PTPRD: variants seen among roughly 807,000 people sequenced by gnomAD.
PTPRD encodes protein tyrosine phosphatase receptor type D, also known as receptor-type tyrosine-protein phosphatase delta.
Under a neutral mutation model 214.5 loss-of-function variants are expected in PTPRD, and 34 were observed. The ratio of observed to expected loss-of-function variants is 0.16; its 90% CI spans 0.12 to 0.21. The LOEUF (loss-of-function observed/expected upper bound fraction) is 0.21, where lower values mean the gene tolerates loss of function less well. Ranked by LOEUF, PTPRD falls within the 10% of genes least tolerant of loss-of-function variation. PTPRD has a pLI of 1.00. For missense variants in PTPRD, 2,545 were observed against 2,398.7 expected (o/e 1.06, Z -1.27); for synonymous variants, 1,128 against 845.7 (o/e 1.33, Z -5.79).
Position 8,800,871 on chromosome 9 carries a change from G to T in PTPRD, c.-103-66925C>A, listed in dbSNP as rs1050362161. ...CATTCTTTCTCTGAAATGGCCAAAA[G>T]ACATTTCTCAGAAAATAATATTGGT... On this transcript the variant is annotated intron_variant, in intron 11 of 45. Coordinates refer to ENST00000381196, the MANE Select transcript of PTPRD (RefSeq NM_002839.4). 2.6e-5 allele frequency among the ~76,000 whole-genome samples: 4 copies of T among 152,172 alleles called. No homozygotes were observed. In the South Asian group the frequency reaches 6.2e-4, roughly 24 times the overall value.
At chr9:8,879,230 A>C (rs1412779358) in intron 11 of PTPRD, among the ~76,000 whole-genome samples, 2 of 152,136 alleles carry the variant, frequency 1.3e-5, no homozygotes, top group African/African-American at 4.8e-5. Flanking sequence ...TGATCGAGAC[A>C]CTGATGGGAA....
chr9:9,571,509 G>A (rs2086393808), intron 8 of PTPRD, among the ~76,000 whole-genome samples: 1 of 151,106 alleles, frequency 6.6e-6, no homozygotes, highest in Admixed American at 6.6e-5. Flanking sequence ...AATGCTTAAA[G>A]GTTAGCCTAA....
Position 9,421,283 on chromosome 9 carries a change from G to GA in PTPRD, c.-236-23802dup, listed in dbSNP as rs5896326. On this transcript the variant is annotated intron_variant, in intron 8 of 45. Transcript: ENST00000381196. The stretch of plus-strand genomic sequence containing the variant: ...TAGCAAGTAATAGTACTGTCTTTGT[G>GA]AAAAAAAAAAAATTATACCAGTGTT... 9.8e-4 allele frequency among the ~76,000 whole-genome samples: 148 copies of GA among 150,408 alleles called. 1 individual carries two copies. Among genetic ancestry groups the GA allele is most frequent in the African/African-American group, 2.7e-3 (111 of 41,068 alleles).
At chr9:8,618,227 C>T (rs2095676391) in intron 14 of PTPRD, among the ~76,000 whole-genome samples, 1 of 151,972 alleles carries the variant, frequency 6.6e-6, no homozygotes, top group South Asian at 2.1e-4. Flanking sequence ...GAGTTTGGGG[C>T]CATAGAAAAA....
At chr9:10,032,144 G>A (rs570523825) in intron 4 of PTPRD, among the ~76,000 whole-genome samples, 1 of 152,226 alleles carries the variant, frequency 6.6e-6, no homozygotes, top group East Asian at 1.9e-4. Flanking sequence ...GAAGTTATCT[G>A]ATACACTGTG....
chr9:8,510,320 T>A (rs2097651781), intron 21 of PTPRD, among the ~76,000 whole-genome samples: 1 of 151,730 alleles, frequency 6.6e-6, no homozygotes, highest in Admixed American at 6.6e-5. Context: ...TAATAATATA[T>A]AAAATAAACA....
At chr9:9,813,322 G>C (rs1031342475) in intron 5 of PTPRD, among the ~76,000 whole-genome samples, 1 of 151,748 alleles carries the variant, frequency 6.6e-6, no homozygotes, top group Non-Finnish European at 1.5e-5. Context: ...ATGGATACTA[G>C]AAAGACAATT....
intron 11 of PTPRD, chr9:8,857,724 G>T (rs979115248): frequency 1.9e-5 from 3 of 156,724 alleles, no homozygotes; most frequent in Non-Finnish European, 2.8e-5. Flanking sequence ...GCCCCGCCAC[G>T]GCCGCGCCGC....
intron 7 of PTPRD, among the ~76,000 whole-genome samples, chr9:9,642,112 G>A (rs571820675): frequency 1.1e-3 from 148 of 134,808 alleles, no homozygotes; most frequent in African/African-American, 3.7e-3. Context: ...CATATCCTTT[G>A]TAGGGACATG....
intron 3 of PTPRD, among the ~76,000 whole-genome samples, chr9:10,111,484 C>G (rs888662308): frequency 6.6e-6 from 1 of 151,746 alleles, no homozygotes; most frequent in Middle Eastern, 3.2e-3. Context: ...GTGATCCGCC[C>G]GCCTCGGCCT....
At chr9:8,429,981 C>G (rs996393104) in intron 35 of PTPRD, among the ~76,000 whole-genome samples, 1 of 152,182 alleles carries the variant, frequency 6.6e-6, no homozygotes, top group Non-Finnish European at 1.5e-5. Flanking sequence ...CTCTGTGTAA[C>G]TACCATGACA....
chr9:9,499,598 G>C (rs1449317810), intron 8 of PTPRD, among the ~76,000 whole-genome samples: 2 of 151,942 alleles, frequency 1.3e-5, no homozygotes, highest in Non-Finnish European at 1.5e-5. Context: ...ATTCCTATCA[G>C]TATTATTTAT....
At chr9:10,257,556 G>T (rs931290261) in intron 3 of PTPRD, among the ~76,000 whole-genome samples, 21 of 152,160 alleles carry the variant, frequency 1.4e-4, no homozygotes, top group African/African-American at 4.8e-4. Flanking sequence ...ATATTACAAA[G>T]GGTACAATTT....
chr9:9,533,054 C>A (rs545704736), intron 8 of PTPRD, among the ~76,000 whole-genome samples: 1 of 152,144 alleles, frequency 6.6e-6, no homozygotes, highest in Non-Finnish European at 1.5e-5. Context: ...TGGATACAAA[C>A]TCTGGCATGT....
intron 5 of PTPRD, among the ~76,000 whole-genome samples, chr9:9,879,331 T>C (rs1449281127): frequency 1.3e-5 from 2 of 152,188 alleles, no homozygotes; most frequent in African/African-American, 4.8e-5. Flanking sequence ...GAAATGTCTG[T>C]ATTACTTCAC....
At chr9:8,642,078 C>T (rs1216477432) in intron 12 of PTPRD, among the ~76,000 whole-genome samples, 2 of 152,162 alleles carry the variant, frequency 1.3e-5, no homozygotes, top group African/African-American at 4.8e-5. Context: ...CCACCAGTAA[C>T]ATCCACAGAT....
rs143458652 is a variant in PTPRD at position 9,323,425 on chromosome 9, G to C, written c.-203+74024C>G. 2.4e-3 allele frequency among the ~76,000 whole-genome samples: 373 copies of C among 152,278 alleles called. 1 individual carries two copies. Among genetic ancestry groups the C allele is most frequent in the African/African-American group, 8.2e-3 (342 of 41,574 alleles). On this transcript the variant is annotated intron_variant, in intron 9 of 45. Transcript: ENST00000381196. The stretch of plus-strand genomic sequence containing the variant: ...TTAAGGTTGAGAAAATGGAGGCTTA[G>C]AGAAGTTAAGTAATATGCCAATGCT...
At chr9:8,384,018 A>G (rs79677851) in intron 37 of PTPRD, among the ~76,000 whole-genome samples, 2 of 152,230 alleles carry the variant, frequency 1.3e-5, no homozygotes, top group Admixed American at 6.5e-5. Flanking sequence ...GAAACAGTCA[A>G]GAGAAGATAG....
chr9:9,706,605 A>AT (rs1206971185), intron 7 of PTPRD, among the ~76,000 whole-genome samples: 1 of 151,834 alleles, frequency 6.6e-6, no homozygotes, highest in Non-Finnish European at 1.5e-5. Context: ...ACACCCAGCT[A>AT]TTTTTTGTAT....
Sources: allele counts gnomAD v4.1 joint callset (sites outside exome capture counted in the v4.1 genomes callset), GRCh38; gene constraint gnomAD v4.1.1; transcripts MANE v1.5; gene names NCBI Gene and HGNC (gene_info 2026-07-23, HGNC 2026-07-21).